The following PALS2 variants were observed in gnomAD, a reference collection of about 807,000 sequenced individuals.
PALS2 encodes protein PALS2.
Under a neutral mutation model 61.6 loss-of-function variants are expected in PALS2, and 27 were observed. That is an observed-to-expected ratio of 0.44 (90% CI 0.32 to 0.60). The LOEUF is 0.60. Ranked by LOEUF, PALS2 falls within the 20% of genes least tolerant of loss-of-function variation. The probability of loss-of-function intolerance (pLI) is 0.05; values close to 1 mark genes in which losing one functional copy is unlikely to be tolerated. For synonymous variants in PALS2, 236 were observed against 218.6 expected (o/e 1.08, Z -0.70); for missense variants, 554 against 639.4 (o/e 0.87, Z 1.44).
intron 1 of PALS2, among the ~76,000 whole-genome samples, chr7:24,593,156 T>A (rs1200807529): frequency 1.3e-5 from 2 of 152,102 alleles, no homozygotes; most frequent in Non-Finnish European, 2.9e-5. Flanking sequence ...TCACCAGGAG[T>A]AGATTCCATC....
chr7:24,595,422 T>C (rs965648355), intron 1 of PALS2, among the ~76,000 whole-genome samples: 1 of 141,366 alleles, frequency 7.1e-6, no homozygotes, highest in African/African-American at 2.6e-5. Context: ...TATATAAATA[T>C]ATAAAAAATA....
intron 6 of PALS2, among the ~76,000 whole-genome samples, chr7:24,664,897 G>A (rs944615647): frequency 4.0e-5 from 6 of 151,214 alleles, no homozygotes; most frequent in African/African-American, 1.5e-4. Context: ...CCTGCATTTT[G>A]ATAGTTGGTT....
At chr7:24,681,838 A>G (rs1787952579) in intron 11 of PALS2, among the ~76,000 whole-genome samples, 2 of 152,092 alleles carry the variant, frequency 1.3e-5, no homozygotes, top group Non-Finnish European at 1.5e-5. Flanking sequence ...GTACTTGATT[A>G]TATGCCATGA....
intron 5 of PALS2, among the ~76,000 whole-genome samples, chr7:24,661,596 A>G (rs1226053788): frequency 2.0e-5 from 3 of 152,188 alleles, no homozygotes; most frequent in Non-Finnish European, 2.9e-5. Context: ...AGTAAGGAGT[A>G]TGCAGGTATT....
At chr7:24,575,482 T>C (rs1231896811) in intron 1 of PALS2, among the ~76,000 whole-genome samples, 1 of 152,172 alleles carries the variant, frequency 6.6e-6, no homozygotes, top group African/African-American at 2.4e-5. Context: ...GCTTCTCTCT[T>C]TCTCTCCCCA....
chr7:24,682,301 C>G (rs1787976471), intron 11 of PALS2, among the ~76,000 whole-genome samples: 1 of 152,146 alleles, frequency 6.6e-6, no homozygotes, highest in Admixed American at 6.5e-5. Context: ...GTGGTTCTTT[C>G]TCAGCTTCAG....
intron 2 of PALS2, among the ~76,000 whole-genome samples, chr7:24,632,095 G>C (rs1259151514): frequency 1.3e-5 from 2 of 152,084 alleles, no homozygotes; most frequent in Non-Finnish European, 1.5e-5. Flanking sequence ...TTGCAGTTCT[G>C]TCAGATTTTA....
At chr7:24,671,738 A>G (rs1363741701) in intron 9 of PALS2, among the ~76,000 whole-genome samples, 3 of 152,140 alleles carry the variant, frequency 2.0e-5, no homozygotes, top group African/African-American at 7.2e-5. Flanking sequence ...GGGGGTTCCA[A>G]CTTTATTCTT....
At chr7:24,602,910 G>T (rs997794229) in intron 1 of PALS2, among the ~76,000 whole-genome samples, 2 of 152,126 alleles carry the variant, frequency 1.3e-5, no homozygotes, top group African/African-American at 4.8e-5. Flanking sequence ...TAAGCATCTG[G>T]TATTTTCCCT....
Position 24,596,642 on chromosome 7 carries a change from A to G in PALS2, c.-3+23049A>G, listed in dbSNP as rs1783535231. 1.3e-5 allele frequency among the ~76,000 whole-genome samples: 2 copies of G among 152,182 alleles called. No individual in the cohort carries two copies. The highest frequency in any genetic ancestry group is 4.8e-5 in the African/African-American group (2 of 41,466). On this transcript the variant is annotated intron_variant, in intron 1 of 11. Transcript: ENST00000222644. The surrounding 1 kb of genome is among the most constrained non-coding windows in gnomAD (Gnocchi z 4.5). ...GGTTGGGTGAATAAAAATTTACTCAAAGCAGGACTACTACATTGTGAGAGT... is the reference window on the plus strand; with the variant it reads ...GGTTGGGTGAATAAAAATTTACTCAGAGCAGGACTACTACATTGTGAGAGT...
intron 11 of PALS2, among the ~76,000 whole-genome samples, chr7:24,686,367 G>C (rs940884134): frequency 3.3e-5 from 5 of 151,954 alleles, no homozygotes; most frequent in African/African-American, 1.2e-4. Flanking sequence ...ATCTCGTAGG[G>C]GTCCTCCATG....
rs146449835 is a variant in PALS2, at chr7:24,577,289, T to C, written c.-3+3696T>C. On this transcript the variant is annotated intron_variant, in intron 1 of 11. Transcript: ENST00000222644. ...TTTTTTCCTTTTTTTTTTTTTTTAATATAGTGTACTAGAAGAGATACTTTC... is the reference window on the plus strand; with the variant it reads ...TTTTTTCCTTTTTTTTTTTTTTTAACATAGTGTACTAGAAGAGATACTTTC... Among the ~76,000 whole-genome samples the C allele has an allele frequency of 7.3e-3, 1,098 of 149,650 alleles. 15 individuals carry two copies. Among genetic ancestry groups the C allele is most frequent in the African/African-American group, 0.025 (1,016 of 40,554 alleles).
chr7:24,641,955 C>T (rs748465201), intron 3 of PALS2, 87 bp downstream of exon 3: 6 of 1,424,978 alleles, frequency 4.2e-6, no homozygotes, highest in Non-Finnish European at 5.8e-6. Context: ...ATGTTTTCTT[C>T]AAAGATTATT....
intron 1 of PALS2, among the ~76,000 whole-genome samples, chr7:24,600,546 G>C (rs548923258): frequency 5.3e-5 from 8 of 152,082 alleles, no homozygotes; most frequent in Non-Finnish European, 1.0e-4. Context: ...TATGAGAATG[G>C]AATTGGTAGT....
intron 1 of PALS2, among the ~76,000 whole-genome samples, chr7:24,595,895 G>T (rs566863854): frequency 6.6e-6 from 1 of 151,634 alleles, no homozygotes; most frequent in Non-Finnish European, 1.5e-5. Flanking sequence ...GAGAACAGAA[G>T]ATGGTAAAGA....
chr7:24,613,574 T>C (rs1171748221), intron 1 of PALS2, among the ~76,000 whole-genome samples: 1 of 151,892 alleles, frequency 6.6e-6, no homozygotes, highest in African/African-American at 2.4e-5. Context: ...GTCTCAAACA[T>C]TTTTCATTTA....
At chr7:24,686,762 A>G (rs1788226289) in intron 11 of PALS2, among the ~76,000 whole-genome samples, 1 of 152,216 alleles carries the variant, frequency 6.6e-6, no homozygotes, top group Non-Finnish European at 1.5e-5. Context: ...TATTTGTAGA[A>G]TATGTAGAGG....
At chr7:24,681,524 GA>G (rs1194379160) in intron 11 of PALS2, among the ~76,000 whole-genome samples, 2 of 145,896 alleles carry the variant, frequency 1.4e-5, no homozygotes, top group East Asian at 2.0e-4. Flanking sequence ...GTTTCTCCAA[GA>G]TTTTTTTTTT....
chr7:24,595,768 G>A (rs889719214), intron 1 of PALS2, among the ~76,000 whole-genome samples: 2 of 150,972 alleles, frequency 1.3e-5, no homozygotes, highest in Non-Finnish European at 2.9e-5. Flanking sequence ...AAGGGTGGTA[G>A]CGTAGTTTAG....
Sources: gnomAD v4.1 joint callset for allele counts (sites outside exome capture counted in the v4.1 genomes callset) on GRCh38, gnomAD v4.1.1 for gene constraint, Gnocchi (gnomAD v3.1) non-coding constraint, MANE v1.5 for transcripts, NCBI Gene and HGNC (gene_info 2026-07-23, HGNC 2026-07-21) for gene names.